NLRP5: variants seen among roughly 807,000 people sequenced by gnomAD.
NLRP5 encodes the protein NACHT, LRR and PYD domains-containing protein 5.
NLRP5 carries 93 observed loss-of-function variants against 113.1 expected under a neutral mutation model. The ratio of observed to expected loss-of-function variants is 0.82; its 90% CI spans 0.70 to 0.98. The LOEUF (loss-of-function observed/expected upper bound fraction) is 0.98. Among genes scored for constraint, NLRP5 ranks in the 50% least tolerant of loss-of-function variants. The probability of loss-of-function intolerance (pLI) is 0.00; values close to 1 mark genes in which losing one functional copy is unlikely to be tolerated. For synonymous variants in NLRP5, 751 were observed against 600.7 expected (o/e 1.25, Z -3.66); for missense variants, 1,808 against 1,514.3 (o/e 1.19, Z -3.22).
intron 12 of NLRP5, among the ~76,000 whole-genome samples, chr19:56,052,301 T>C (rs959554124): frequency 3.3e-5 from 5 of 152,114 alleles, no homozygotes; most frequent in African/African-American, 1.2e-4. Flanking sequence ...AGAGGTTCTT[T>C]CTTGTTGCCC....
intron 11 of NLRP5, among the ~76,000 whole-genome samples, chr19:56,048,156 G>C (rs887828532): frequency 6.6e-6 from 1 of 152,114 alleles, no homozygotes; most frequent in Non-Finnish European, 1.5e-5. Flanking sequence ...TGGTTGGTGA[G>C]TTTTTTATTC....
In NLRP5 at chr19:56,059,993, G is replaced by T. The variant is rs1984293436; in HGVS notation, c.3471-1403G>T. Reference sequence around the variant, plus strand: ...GTGGTAGACCCTGGAATCATAGGAGGAAGGTGAAGACAGGATGAGGAAGGT... The same window carrying T: ...GTGGTAGACCCTGGAATCATAGGAGTAAGGTGAAGACAGGATGAGGAAGGT... On this transcript the variant is annotated intron_variant, in intron 14 of 14. Transcript: ENST00000390649. Among the ~76,000 whole-genome samples the T allele has an allele frequency of 5.9e-5, 9 of 152,316 alleles. No individual in the cohort carries two copies. In the South Asian group the frequency reaches 1.9e-3, roughly 32 times the overall value.
chr19:56,055,702 C>T (rs34526709), intron 13 of NLRP5, among the ~76,000 whole-genome samples: 14,464 of 151,324 alleles, frequency 0.096, 765 homozygotes, highest in East Asian at 0.23. Context: ...CCCGCCACCA[C>T]GCCCGGCTAA....
intron 6 of NLRP5, among the ~76,000 whole-genome samples, chr19:56,022,400 A>G (rs957717135): frequency 9.9e-5 from 12 of 121,690 alleles, no homozygotes; most frequent in African/African-American, 3.1e-4. Flanking sequence ...CATATTTGTT[A>G]TAGAAAGGAG....
At position 56,058,296 on chromosome 19, in the gene NLRP5, C is replaced by G. The variant is rs772981506; in HGVS notation, c.3356C>G (p.Ser1119Cys). Residue 1119 changes from serine to cysteine, a missense_variant, in exon 14 of 15, where the codon TCC becomes TGC. By Grantham distance (112) the Ser-to-Cys change is moderately radical. Coordinates refer to ENST00000390649, the MANE Select transcript of NLRP5 (RefSeq NM_153447.4). ...TGTGAGGCACTCTCCTTGGCCCTTT[C>G]CTGCAACCGGCATCTGACCAGTCTA... 5.0e-6 allele frequency: 8 copies of G among 1,613,832 alleles called. No individual in the cohort carries two copies. The highest frequency in any genetic ancestry group is 1.3e-5 in the African/African-American group (1 of 74,918).
the NLRP5 span, chr19:55,988,182 A>T: frequency 4.3e-6 from 1 of 233,278 alleles, no homozygotes; most frequent in South Asian, 7.8e-5. Flanking sequence ...ACCTGAGGTC[A>T]GGAGTTCCAG....
rs1292418679 is a variant in NLRP5, at chr19:56,061,415, C to T, written c.3490C>T (p.Pro1164Ser). 1 of 1,613,816 alleles carries T rather than the reference C, an allele frequency of 6.2e-7. No homozygotes were observed. The highest frequency in any genetic ancestry group is 2.2e-5 in the East Asian group (1 of 44,896). The change falls in exon 15 of 15, where the codon CCT (proline) becomes TCT (serine). Residue 1164 changes from proline (P) to serine (S), a missense_variant. Transcript: ENST00000390649. ...CCCCAGGCTGTGGAAATGGCAGTAC[C>T]CTGTGCAAATAAGGAAGCTGCTGGA... is the stretch of plus-strand genomic sequence containing the variant.
chr19:56,026,836 A>G lies in NLRP5; in HGVS notation c.680-77A>G, dbSNP rs1982871383. On this transcript the variant is annotated intron_variant, in intron 6 of 14. Transcript: ENST00000390649. ...GGTGATATGCCCATCTTGACCTCCC[A>G]CAGTGCTGGGATGACAGGTGCGAGC... The G allele has an allele frequency of 3.4e-6, 5 of 1,455,868 alleles. No homozygotes were observed. The East Asian group carries it at 1.0e-4, about 29-fold the overall frequency. The allele number at this position is 1,455,868 out of a possible 1,614,324, so 90.2% of individuals were successfully genotyped here. A position where few individuals can be genotyped will look rare whatever the true frequency, so the allele number is the denominator to read the frequency against.
chr19:56,029,832 G>GCA (rs1282408080), intron 7 of NLRP5, among the ~76,000 whole-genome samples: 2 of 151,444 alleles, frequency 1.3e-5, no homozygotes, highest in Non-Finnish European at 2.9e-5. Context: ...TGAGGTGGGT[G>GCA]GATCACGAGG....
intron 13 of NLRP5, among the ~76,000 whole-genome samples, chr19:56,054,049 C>T (rs1009398935): frequency 9.9e-5 from 15 of 152,250 alleles, no homozygotes; most frequent in Middle Eastern, 3.4e-3. Flanking sequence ...CCTCAACTGC[C>T]GATTGAACGA....
chr19:56,003,645 C>A, intron 1 of NLRP5, 91 bp from the exon 2 acceptor site: 1 of 1,424,718 alleles, frequency 7.0e-7, no homozygotes, highest in South Asian at 1.4e-5. Context: ...AAAGAGAAGG[C>A]CGTTCATCTA....
the NLRP5 span, chr19:55,987,932 T>C: frequency 6.4e-6 from 10 of 1,573,668 alleles, no homozygotes; most frequent in Admixed American, 3.3e-5. Context: ...GTCATCTTTC[T>C]CTGGGGCTTG....
At position 56,026,678 on chromosome 19, in the gene NLRP5, A is replaced by G. The variant is rs879355259; in HGVS notation, c.680-235A>G. Among the ~76,000 whole-genome samples, 94 of 151,546 alleles carry G rather than the reference A, an allele frequency of 6.2e-4. 1 individual carries two copies. The highest frequency in any genetic ancestry group is 7.9e-4 in the Admixed American group (12 of 15,204). ...ACTGCAACTTCCATCTCCCGGGTTC[A>G]AGCAATTCTCCTGCCTCAGCCTCCT... On this transcript the variant is annotated intron_variant, in intron 6 of 14. Coordinates refer to ENST00000390649, the MANE Select transcript of NLRP5 (RefSeq NM_153447.4).
chr19:56,033,724 G>C lies in NLRP5; in HGVS notation c.2615+15G>C. 1 of 1,591,564 alleles carries C rather than the reference G, an allele frequency of 6.3e-7. No homozygotes were observed. The highest frequency in any genetic ancestry group is 1.1e-5 in the South Asian group (1 of 87,726). The stretch of plus-strand genomic sequence containing the variant: ...GAGTCTTTGAGGTACGTCTCTGGTA[G>C]AGCTTTTGCCTTGTTTTTCTTCGTT... On this transcript the variant is annotated intron_variant, in intron 9 of 14. Coordinates refer to ENST00000390649, the MANE Select transcript of NLRP5 (RefSeq NM_153447.4).
chr19:56,008,924 C>A, intron 3 of NLRP5, 71 bp downstream of exon 3: 1 of 1,301,658 alleles, frequency 7.7e-7, no homozygotes. Flanking sequence ...CATCTCTAGG[C>A]ATTAGAACCA....
intron 13 of NLRP5, among the ~76,000 whole-genome samples, chr19:56,055,537 CTTTTTTTTTTT>C (rs1160965587): frequency 5.2e-5 from 4 of 76,462 alleles, no homozygotes; most frequent in South Asian, 5.3e-4. Context: ...CTTTCTCTGT[CTTTTTTTTTTT>C]TTTTTTTTTT....
chr19:56,032,381 G>T (rs1194699099), intron 7 of NLRP5, among the ~76,000 whole-genome samples: 1 of 150,724 alleles, frequency 6.6e-6, no homozygotes, highest in Admixed American at 6.6e-5. Flanking sequence ...AGGAGCTGGC[G>T]GTTCCCAGTC....
Position 56,038,150 on chromosome 19 carries a change from T to C in NLRP5, c.2741T>C (p.Leu914Pro). 3.1e-6 allele frequency: 5 copies of C among 1,613,962 alleles called. No individual in the cohort carries two copies. The highest frequency in any genetic ancestry group is 4.2e-6 in the Non-Finnish European group (5 of 1,179,876). The stretch of plus-strand genomic sequence containing the variant: ...GTGACAGACCAGGGAGTAATGCCTC[T>C]CAGTGATGCCTTGAGAGTCTCCCAG... Residue 914 changes from leucine (L) to proline (P), a missense_variant, in exon 10 of 15, where the codon CTC becomes CCC. Coordinates refer to ENST00000390649, the MANE Select transcript of NLRP5 (RefSeq NM_153447.4).
At chr19:56,033,981 T>C (rs575608931) in intron 9 of NLRP5, among the ~76,000 whole-genome samples, 1 of 152,232 alleles carries the variant, frequency 6.6e-6, no homozygotes, top group Non-Finnish European at 1.5e-5. Context: ...GGTTGCTCAG[T>C]CTGATCTTGA....
Sources: gnomAD v4.1 joint callset for allele counts (sites outside exome capture counted in the v4.1 genomes callset) on GRCh38, gnomAD v4.1.1 for gene constraint, MANE v1.5 for transcripts, NCBI Gene and HGNC (gene_info 2026-07-23, HGNC 2026-07-21) for gene names.